Variants in ULK3 observed in about 807,000 individuals in gnomAD.
ULK3 encodes the protein serine/threonine-protein kinase ULK3.
In ULK3, 54 loss-of-function variants were observed where a neutral mutation model predicts 69.4. The observed-to-expected ratio is 0.78, with a 90% CI of 0.63 to 0.98. The LOEUF (loss-of-function observed/expected upper bound fraction) is 0.98. Ranked by LOEUF, ULK3 falls within the 50% of genes least tolerant of loss-of-function variation. The pLI is 0.00. For missense variants in ULK3, 558 were observed against 627.7 expected (o/e 0.89, Z 1.19); for synonymous variants, 240 against 254.5 (o/e 0.94, Z 0.54).
chr15:74,841,312 G>T, intron 4 of ULK3, 93 bp downstream of exon 4: 1 of 1,041,760 alleles, frequency 9.6e-7, no homozygotes, highest in East Asian at 2.5e-5. Context: ...ACTCTATAGA[G>T]GGCTCCATAA....
chr15:74,839,477 G>A (rs2064162184), intron 7 of ULK3, 81 bp downstream of exon 7: 1 of 1,539,898 alleles, frequency 6.5e-7, no homozygotes, highest in African/African-American at 1.4e-5. Flanking sequence ...TCTGTTGGGT[G>A]AGTCACCAAT....
Position 74,843,155 on chromosome 15 carries a change from C to T in ULK3, c.-50G>A. 6 of 1,157,936 alleles carry T rather than the reference C, an allele frequency of 5.2e-6. No individual in the cohort carries two copies. The highest frequency in any genetic ancestry group is 3.7e-5 in the East Asian group (1 of 27,050). The allele number at this position is 1,157,936 out of a possible 1,614,324, so 71.7% of individuals were successfully genotyped here. ...CGCTTCCTCGCTGCGGGCGGCGGTTCCGGCGGGTTGCGGGGCGGGCCGAGC... is the reference window on the plus strand; with the variant it reads ...CGCTTCCTCGCTGCGGGCGGCGGTTTCGGCGGGTTGCGGGGCGGGCCGAGC... On this transcript the variant is annotated 5_prime_UTR_variant, in exon 1 of 16. Transcript: ENST00000440863.
Position 74,842,091 on chromosome 15 carries a change from G to A in ULK3, c.348C>T (p.Val116=). ...GGCCTTTACCTAATTGCTGCATGAA[G>A]ACACGCGCCACCTTCTCAGGCAGAA... ...RRILPEKVAR[V]FMQQLASALQ... is the part of the protein sequence containing the mutation. Residue 116 remains valine, a synonymous_variant, in exon 3 of 16, where the codon GTC becomes GTT. Coordinates refer to ENST00000440863, the MANE Select transcript of ULK3 (RefSeq NM_001099436.4). The surrounding 1 kb of genome is among the most constrained non-coding windows in gnomAD (Gnocchi z 4.9). The A allele has an allele frequency of 6.2e-7, 1 of 1,613,900 alleles. No homozygotes were observed. The highest frequency in any genetic ancestry group is 8.5e-7 in the Non-Finnish European group (1 of 1,179,898).
chr15:74,838,653 G>T lies in ULK3; in HGVS notation c.1092C>A (p.Asp364Glu). The change falls in exon 10 of 16, where the codon GAC (aspartate) becomes GAA (glutamate). Residue 364 changes from aspartate (D) to glutamate (E), a missense_variant. By Grantham distance (45) the Asp-to-Glu change is conservative (BLOSUM62 2). Coordinates refer to ENST00000440863, the MANE Select transcript of ULK3 (RefSeq NM_001099436.4). Reference sequence around the variant, plus strand: ...GAAACCGGAGTCTACCTCTGAGCAGGTCTCGGGCAGAGGTCCCCTGCCTCA... The same window carrying T: ...GAAACCGGAGTCTACCTCTGAGCAGTTCTCGGGCAGAGGTCCCCTGCCTCA... The part of the protein sequence containing the change: ...ALLRQGTSAR[D>E]LLREMARDKP... 6.2e-7 allele frequency: 1 copy of T among 1,611,468 alleles called. No homozygotes were observed. Among genetic ancestry groups the T allele is most frequent in the Non-Finnish European group, 8.5e-7 (1 of 1,178,760 alleles).
Position 74,842,934 on chromosome 15 carries a change from C to G in ULK3, c.102+70G>C, listed in dbSNP as rs2064315558. 2.7e-6 allele frequency: 4 copies of G among 1,493,462 alleles called. No individual in the cohort carries two copies. The highest frequency in any genetic ancestry group is 3.6e-6 in the Non-Finnish European group (4 of 1,110,158). 92.5% of individuals were successfully genotyped at this position (1,493,462 alleles called of 1,614,324 possible). Reference sequence around the variant, plus strand: ...ACTATTCCCACACTGTCGCTAACCTCTCAGAGTCTCCCCGGCCGGCACCAG... The same window carrying G: ...ACTATTCCCACACTGTCGCTAACCTGTCAGAGTCTCCCCGGCCGGCACCAG... On this transcript the variant is annotated intron_variant, in intron 1 of 15. Coordinates refer to ENST00000440863, the MANE Select transcript of ULK3 (RefSeq NM_001099436.4). The surrounding 1 kb of genome is among the most constrained non-coding windows in gnomAD (Gnocchi z 4.9).
At chr15:74,839,121 C>G (rs1016391496) in intron 8 of ULK3, 71 bp from the exon 9 acceptor site, 1 of 1,553,494 alleles carries the variant, frequency 6.4e-7, no homozygotes. Flanking sequence ...CCTCTGGAAT[C>G]CCTCAAAACA....
In ULK3 at chr15:74,842,437, T is replaced by C. The variant is rs776105875; in HGVS notation, c.103-17A>G. 1.9e-6 allele frequency: 3 copies of C among 1,613,778 alleles called. No individual in the cohort carries two copies. The highest frequency in any genetic ancestry group is 2.2e-5 in the East Asian group (1 of 44,882). On this transcript the variant is annotated splice_polypyrimidine_tract_variant and intron_variant, in intron 1 of 15. Coordinates refer to ENST00000440863, the MANE Select transcript of ULK3 (RefSeq NM_001099436.4). This position sits in a 1 kb window ranked among gnomAD's most constrained non-coding sequence, Gnocchi z 4.9. Reference sequence around the variant, plus strand: ...AGTGTCCTTCTGCGAGACAGGAGATTTGGGGACTCTGCCTTGAGGGGGCCA... The same window carrying C: ...AGTGTCCTTCTGCGAGACAGGAGATCTGGGGACTCTGCCTTGAGGGGGCCA...
chr15:74,839,856 T>C (rs2064181408), intron 6 of ULK3, 143 bp from the exon 7 acceptor site: 2 of 1,223,632 alleles, frequency 1.6e-6, no homozygotes, highest in East Asian at 5.1e-5. Context: ...TGGGTCAGGA[T>C]GATGGAGCCA....
chr15:74,838,534 G>T, intron 10 of ULK3, 30 bp from the exon 11 acceptor site: 1 of 1,566,794 alleles, frequency 6.4e-7, no homozygotes, highest in Non-Finnish European at 8.7e-7. Flanking sequence ...TCAGGGTGAG[G>T]GAAGCAACCT....
intron 3 of ULK3, 28 bp from the exon 4 acceptor site, chr15:74,841,537 C>T (rs1440036562): frequency 1.2e-6 from 2 of 1,601,158 alleles, no homozygotes; most frequent in Non-Finnish European, 1.7e-6. Flanking sequence ...CGAAGAGAGA[C>T]AGTTCAGAGC....
chr15:74,841,817 C>G (rs776576615), intron 3 of ULK3, among the ~76,000 whole-genome samples: 1 of 152,192 alleles, frequency 6.6e-6, no homozygotes, highest in Non-Finnish European at 1.5e-5. Context: ...CTACAGGACT[C>G]TGGAATGTTC....
At position 74,842,515 on chromosome 15, in the gene ULK3, C is replaced by T. The variant is rs770244061; in HGVS notation, c.103-95G>A. 1 of 1,601,936 alleles carries T rather than the reference C, an allele frequency of 6.2e-7. No individual in the cohort carries two copies. The highest frequency in any genetic ancestry group is 8.5e-7 in the Non-Finnish European group (1 of 1,179,472). On this transcript the variant is annotated intron_variant, in intron 1 of 15. Transcript: ENST00000440863. This position sits in a 1 kb window ranked among gnomAD's most constrained non-coding sequence, Gnocchi z 4.9. ...ATCTGGTTCCCTCTGTTCCCCCACCCCGCCCCTCCCCGGGTCTACCTACTG... is the reference window on the plus strand; with the variant it reads ...ATCTGGTTCCCTCTGTTCCCCCACCTCGCCCCTCCCCGGGTCTACCTACTG...
At position 74,842,209 on chromosome 15, in the gene ULK3, C is replaced by T. The variant is rs2141157267; in HGVS notation, c.244-14G>A. On this transcript the variant is annotated splice_polypyrimidine_tract_variant and intron_variant, in intron 2 of 15. Transcript: ENST00000440863. The surrounding 1 kb of genome is among the most constrained non-coding windows in gnomAD (Gnocchi z 4.9). ...GTCACTGTCCCACTGTGTTTAGAGG[C>T]AGAGAGGCGGCCTGAAGAGAGTGTC... 1 of 1,614,026 alleles carries T rather than the reference C, an allele frequency of 6.2e-7. No individual in the cohort carries two copies. The highest frequency in any genetic ancestry group is 2.2e-5 in the East Asian group (1 of 44,884).
intron 13 of ULK3, 61 bp downstream of exon 13, chr15:74,838,091 C>T (rs923501124): frequency 1.3e-6 from 2 of 1,543,532 alleles, no homozygotes; most frequent in Non-Finnish European, 1.7e-6. Flanking sequence ...GAGGTCCCCA[C>T]AGGTAAGAGC....
Position 74,837,225 on chromosome 15 carries a change from G to A in ULK3, c.*3C>T. 5 of 1,562,640 alleles carry A rather than the reference G, an allele frequency of 3.2e-6. No homozygotes were observed. The South Asian group carries it at 4.9e-5, about 15-fold the overall frequency. ...TCACATCTGTCCAATCATTCTTCTAGGGTCACTGAAGGGTGCAAGCTACGG... is the reference window on the plus strand; with the variant it reads ...TCACATCTGTCCAATCATTCTTCTAAGGTCACTGAAGGGTGCAAGCTACGG... On this transcript the variant is annotated 3_prime_UTR_variant, in exon 16 of 16. Transcript: ENST00000440863.
Position 74,839,286 on chromosome 15 carries a change from A to G in ULK3, c.940T>C (p.Phe314Leu). ...GACTCACAGTGCAGGGCAGGTACAA[A>G]GAAGTCCAGAGCCTTGCAGTAGAGT... ...LSLYCKALDFFVPALHYEVDA... is the reference protein window; with the variant it reads ...LSLYCKALDFLVPALHYEVDA... The change falls in exon 8 of 16, where the codon TTT becomes CTT. Residue 314 changes from phenylalanine to leucine, a missense_variant. By Grantham distance (22) the Phe-to-Leu change is conservative. Coordinates refer to ENST00000440863, the MANE Select transcript of ULK3 (RefSeq NM_001099436.4). 3 of 1,560,512 alleles carry G rather than the reference A, an allele frequency of 1.9e-6. No individual in the cohort carries two copies. Among genetic ancestry groups the G allele is most frequent in the Non-Finnish European group, 2.6e-6 (3 of 1,151,818 alleles).
intron 8 of ULK3, 24 bp from the exon 9 acceptor site, chr15:74,839,074 G>GA: frequency 6.3e-7 from 1 of 1,595,590 alleles, no homozygotes; most frequent in Non-Finnish European, 8.5e-7. Context: ...GGTCATATGA[G>GA]GAGTCTGGGC....
At chr15:74,840,824 C>T (rs1407443309) in intron 4 of ULK3, 183 bp from the exon 5 acceptor site, 17 of 761,742 alleles carry the variant, frequency 2.2e-5, no homozygotes, top group Non-Finnish European at 2.6e-5. Context: ...ATAAAACCTA[C>T]CCATCCTTCC....
chr15:74,838,522 G>C lies in ULK3; in HGVS notation c.1103-18C>G. The C allele has an allele frequency of 6.4e-7, 1 of 1,569,080 alleles. No individual in the cohort carries two copies. The highest frequency in any genetic ancestry group is 8.6e-7 in the Non-Finnish European group (1 of 1,156,984). ...GGCCATCTCTGAGATGAGGGGAAAGGCTCAGGGTGAGGGAAGCAACCTGCC... is the reference window on the plus strand; with the variant it reads ...GGCCATCTCTGAGATGAGGGGAAAGCCTCAGGGTGAGGGAAGCAACCTGCC... On this transcript the variant is annotated intron_variant, in intron 10 of 15. Transcript: ENST00000440863.
Sources: gnomAD v4.1 joint callset for allele counts (sites outside exome capture counted in the v4.1 genomes callset) on GRCh38, gnomAD v4.1.1 for gene constraint, Gnocchi (gnomAD v3.1) non-coding constraint, MANE v1.5 for transcripts, NCBI Gene and HGNC (gene_info 2026-07-23, HGNC 2026-07-21) for gene names.